Variants in ADGRG4 observed in about 807,000 individuals in gnomAD.
The protein encoded by ADGRG4 is G protein-coupled receptor 112.
In ADGRG4, 122 loss-of-function variants were observed where a neutral mutation model predicts 126.2. The ratio of observed to expected loss-of-function variants is 0.97; its 90% CI spans 0.83 to 1.12. ADGRG4 has a LOEUF of 1.12. Among genes scored for constraint, ADGRG4 ranks in the 50% most tolerant of loss-of-function variants. ADGRG4 has a pLI of 0.00. For missense variants in ADGRG4, 2,481 were observed against 2,251.8 expected (o/e 1.10, Z -2.06); for synonymous variants, 943 against 838.7 (o/e 1.12, Z -2.15).
chrX:136,387,625 C>A, intron 15 of ADGRG4, 115 bp from the exon 16 acceptor site: 1 of 637,549 alleles, frequency 1.6e-6, no homozygotes, highest in Non-Finnish European at 2.4e-6. Context: ...GGAGCTAGTT[C>A]CCACCTTTCA....
chrX:136,334,131 TCTTTC>T (rs1405135171), intron 5 of ADGRG4, among the ~76,000 whole-genome samples: 7 of 90,841 alleles, frequency 7.7e-5, no homozygotes. Flanking sequence ...TTTCTTTCTT[TCTTTC>T]TTTTTCTTTT....
At chrX:136,314,888 A>G (rs2074795374) in intron 4 of ADGRG4, among the ~76,000 whole-genome samples, 1 of 111,899 alleles carries the variant, frequency 8.9e-6, no homozygotes, top group African/African-American at 3.2e-5. Context: ...CTTTATGAGT[A>G]AGGACATCTA....
At chrX:136,380,461 T>C (rs1375131228) in intron 15 of ADGRG4, among the ~76,000 whole-genome samples, 1 of 111,078 alleles carries the variant, frequency 9.0e-6, no homozygotes, top group Non-Finnish European at 1.9e-5. Context: ...TTTATGTTTA[T>C]TACTTCCTTT....
chrX:136,328,727 G>T (rs1219386953), intron 5 of ADGRG4, among the ~76,000 whole-genome samples: 2 of 111,725 alleles, frequency 1.8e-5, no homozygotes, highest in Non-Finnish European at 3.8e-5. Flanking sequence ...CCTTTATAAA[G>T]GCCTTTGTTT....
At chrX:136,340,179 A>C (rs939527883) in intron 5 of ADGRG4, among the ~76,000 whole-genome samples, 1 of 111,858 alleles carries the variant, frequency 8.9e-6, no homozygotes, top group Non-Finnish European at 1.9e-5. Flanking sequence ...CCAATAAACA[A>C]ATTAAGTTAT....
chrX:136,324,949 C>G (rs977670197), intron 5 of ADGRG4, among the ~76,000 whole-genome samples: 3 of 111,787 alleles, frequency 2.7e-5, no homozygotes, highest in Non-Finnish European at 1.9e-5. Context: ...TGTAAGGAAC[C>G]TGGCTTCTTG....
intron 22 of ADGRG4, among the ~76,000 whole-genome samples, chrX:136,405,311 G>C (rs1289978845): frequency 2.7e-5 from 3 of 109,972 alleles, no homozygotes; most frequent in East Asian, 2.9e-4. Flanking sequence ...GTGGTGGCGG[G>C]GGGGCAGGGC....
At position 136,305,006 on chromosome X, in the gene ADGRG4, T is replaced by C. The variant is rs758297290; in HGVS notation, c.-27T>C. 1 of 111,980 alleles carries C rather than the reference T, an allele frequency of 8.9e-6. No homozygotes were observed. The highest frequency in any genetic ancestry group is 2.8e-4 in the East Asian group (1 of 3,541). 9.2% of individuals were successfully genotyped at this position (111,980 alleles called of 1,213,427 possible). A position where few individuals can be genotyped will look rare whatever the true frequency, so the allele number is the denominator to read the frequency against. ...ACTTTACATACTGTGTGTTATGTAA[T>C]CTTCACAGCAATATGAGGTGAGTTC... On this transcript the variant is annotated 5_prime_UTR_variant, in exon 3 of 26. Coordinates refer to ENST00000394143, the MANE Select transcript of ADGRG4 (RefSeq NM_153834.4).
At chrX:136,407,219 T>G (rs947092463) in intron 23 of ADGRG4, among the ~76,000 whole-genome samples, 1 of 110,880 alleles carries the variant, frequency 9.0e-6, no homozygotes. Context: ...GATGGTACCA[T>G]GGGATGCTCC....
chrX:136,316,827 G>T (rs970583353), intron 4 of ADGRG4, among the ~76,000 whole-genome samples: 1 of 111,478 alleles, frequency 9.0e-6, no homozygotes, highest in African/African-American at 3.3e-5. Context: ...CAGGGACAGA[G>T]AATTCTCCCT....
At chrX:136,415,342 C>A (rs758063939) in intron 25 of ADGRG4, among the ~76,000 whole-genome samples, 1 of 111,972 alleles carries the variant, frequency 8.9e-6, no homozygotes, top group African/African-American at 3.2e-5. Flanking sequence ...GGTTCAGGTT[C>A]CAGCTCTGTC....
chrX:136,412,848 G>A (rs1167187792), intron 24 of ADGRG4, among the ~76,000 whole-genome samples: 1 of 111,981 alleles, frequency 8.9e-6, no homozygotes, highest in East Asian at 2.8e-4. Flanking sequence ...GAACTCAGAT[G>A]TTGCCTCTTA....
At chrX:136,371,251 T>C (rs2075191818) in intron 13 of ADGRG4, 77 bp from the exon 14 acceptor site, 1 of 676,426 alleles carries the variant, frequency 1.5e-6, no homozygotes, top group African/African-American at 2.2e-5. Context: ...CTCTTTACTC[T>C]TTAAAGGGAA....
Position 136,311,820 on chromosome X carries a change from G to C in ADGRG4, c.70+2973G>C, listed in dbSNP as rs1413337300. Among the ~76,000 whole-genome samples, 28 of 110,426 alleles carry C rather than the reference G, an allele frequency of 2.5e-4. 1 individual carries two copies. In the Admixed American group the frequency reaches 2.7e-3, roughly 11 times the overall value. ...TTCTGAAAGGTGTTTGTGTAGCCAG[G>C]GTTCAGGAAAAGCCCTATCTTTTCT... On this transcript the variant is annotated intron_variant, in intron 4 of 25. Coordinates refer to ENST00000394143, the MANE Select transcript of ADGRG4 (RefSeq NM_153834.4).
At chrX:136,404,885 A>C (rs1039086877) in intron 22 of ADGRG4, among the ~76,000 whole-genome samples, 11 of 112,196 alleles carry the variant, frequency 9.8e-5, no homozygotes, top group Non-Finnish European at 1.9e-4. Flanking sequence ...GCCAACATAA[A>C]CGACATGACC....
In ADGRG4 at chrX:136,343,594, T is replaced by A. The variant is rs754619475; in HGVS notation, c.686-798T>A. ...AGTAGGAGAAAACGCAGGAGTGTGA[T>A]GTGTAATGGAAAGCAATGAAAAGAG... is the stretch of plus-strand genomic sequence containing the variant. On this transcript the variant is annotated intron_variant, in intron 5 of 25. Coordinates refer to ENST00000394143, the MANE Select transcript of ADGRG4 (RefSeq NM_153834.4). 1.1e-4 allele frequency among the ~76,000 whole-genome samples: 12 copies of A among 111,411 alleles called. No individual in the cohort carries two copies. In the South Asian group the frequency reaches 3.1e-3, roughly 28 times the overall value.
chrX:136,379,506 C>T (rs1444493040), intron 15 of ADGRG4, among the ~76,000 whole-genome samples: 1 of 104,661 alleles, frequency 9.6e-6, no homozygotes, highest in African/African-American at 3.5e-5. Context: ...TCTTCTCCTT[C>T]CCTCTCTTCT....
chrX:136,363,702 C>T, intron 13 of ADGRG4, 107 bp downstream of exon 13: 1 of 527,868 alleles, frequency 1.9e-6, no homozygotes, highest in South Asian at 2.9e-5. Flanking sequence ...GGAAAATCTA[C>T]CTTACGACAA....
intron 4 of ADGRG4, among the ~76,000 whole-genome samples, chrX:136,322,129 G>A (rs1225039305): frequency 1.8e-5 from 2 of 111,573 alleles, no homozygotes; most frequent in African/African-American, 6.5e-5. Context: ...CAGTGCCCTT[G>A]GTGAGGAGAC....
Sources: gnomAD v4.1 joint callset for allele counts (sites outside exome capture counted in the v4.1 genomes callset) on GRCh38, gnomAD v4.1.1 for gene constraint, MANE v1.5 for transcripts, NCBI Gene and HGNC (gene_info 2026-07-23, HGNC 2026-07-21) for gene names.